Variants in CNTN3 observed in about 807,000 individuals in gnomAD.
CNTN3 encodes the protein contactin 3.
CNTN3 carries 60 observed loss-of-function variants against 119.1 expected under a neutral mutation model. The ratio of observed to expected loss-of-function variants is 0.50; its 90% CI spans 0.41 to 0.62. CNTN3 has a LOEUF of 0.62. Ranked by LOEUF, CNTN3 falls within the 20% of genes least tolerant of loss-of-function variation. The probability of loss-of-function intolerance (pLI) is 0.00; values close to 1 mark genes in which losing one functional copy is unlikely to be tolerated. For missense variants in CNTN3, 1,101 were observed against 1,242.4 expected (o/e 0.89, Z 1.71); for synonymous variants, 450 against 438.7 (o/e 1.03, Z -0.32).
intron 1 of CNTN3, among the ~76,000 whole-genome samples, chr3:74,605,276 G>T (rs1430138407): frequency 6.6e-6 from 1 of 151,898 alleles, no homozygotes; most frequent in East Asian, 1.9e-4. Flanking sequence ...ATCACTAAGA[G>T]AATAGATTTT....
At chr3:74,341,702 CTG>C (rs921701407) in intron 11 of CNTN3, among the ~76,000 whole-genome samples, 83 of 152,156 alleles carry the variant, frequency 5.5e-4, no homozygotes, top group African/African-American at 1.9e-3. Flanking sequence ...AAATTTATGA[CTG>C]TTAAAAAACT....
chr3:74,522,139 G>A (rs115106867), intron 1 of CNTN3, among the ~76,000 whole-genome samples: 2,646 of 151,802 alleles, frequency 0.017, 28 homozygotes, highest in Middle Eastern at 0.034. Context: ...TATTATGTAC[G>A]TCCCAAATAA....
chr3:74,497,079 TC>T (rs1703079206), intron 3 of CNTN3, among the ~76,000 whole-genome samples: 1 of 152,018 alleles, frequency 6.6e-6, no homozygotes, highest in Non-Finnish European at 1.5e-5. Flanking sequence ...TTAATATTCC[TC>T]CTTGGCTGTC....
chr3:74,267,491 G>A, intron 20 of CNTN3, 113 bp from the exon 21 acceptor site: 1 of 699,258 alleles, frequency 1.4e-6, no homozygotes, highest in Non-Finnish European at 2.6e-6. Flanking sequence ...GGATGCCTTT[G>A]GTAATGCTTG....
intron 4 of CNTN3, among the ~76,000 whole-genome samples, chr3:74,454,798 T>A (rs961213074): frequency 6.6e-6 from 1 of 152,152 alleles, no homozygotes; most frequent in African/African-American, 2.4e-5. Context: ...TATGAAATTC[T>A]GGGTTGAAAA....
chr3:74,460,559 A>G (rs1265527606), intron 4 of CNTN3, among the ~76,000 whole-genome samples: 1 of 151,524 alleles, frequency 6.6e-6, no homozygotes, highest in African/African-American at 2.4e-5. Flanking sequence ...TGTAATTGAT[A>G]TTGTGTTGGT....
intron 13 of CNTN3, among the ~76,000 whole-genome samples, chr3:74,327,461 T>A (rs1360606347): frequency 6.6e-6 from 1 of 152,154 alleles, no homozygotes; most frequent in Non-Finnish European, 1.5e-5. Context: ...TCAATCTGGT[T>A]TGCTAAAATT....
chr3:74,299,768 TACC>T, intron 17 of CNTN3, 97 bp downstream of exon 17: 21 of 898,706 alleles, frequency 2.3e-5, no homozygotes, highest in Non-Finnish European at 2.9e-5. Context: ...CCCCCAGCAC[TACC>T]ACCACCACCT....
intron 11 of CNTN3, among the ~76,000 whole-genome samples, chr3:74,342,114 A>G (rs1279462426): frequency 6.6e-6 from 1 of 152,150 alleles, no homozygotes; most frequent in African/African-American, 2.4e-5. Flanking sequence ...CATATATTAC[A>G]GGATAAATAA....
At chr3:74,584,323 A>G (rs540087959) in intron 1 of CNTN3, among the ~76,000 whole-genome samples, 1 of 152,228 alleles carries the variant, frequency 6.6e-6, no homozygotes, top group South Asian at 2.1e-4. Context: ...TAATCTTGTG[A>G]TATACTTTTG....
At chr3:74,385,230 AG>A (rs1704717335) in intron 5 of CNTN3, among the ~76,000 whole-genome samples, 1 of 152,230 alleles carries the variant, frequency 6.6e-6, no homozygotes, top group African/African-American at 2.4e-5. Context: ...GAACAGTCTT[AG>A]GAACAAGGAT....
intron 1 of CNTN3, among the ~76,000 whole-genome samples, chr3:74,579,175 T>TA (rs57046469): frequency 1.3e-5 from 2 of 151,564 alleles, no homozygotes; most frequent in East Asian, 1.9e-4. Context: ...TCCATAATGA[T>TA]AAAAAAAATC....
chr3:74,608,022 C>T (rs1166933199), intron 1 of CNTN3, among the ~76,000 whole-genome samples: 1 of 152,136 alleles, frequency 6.6e-6, no homozygotes, highest in Non-Finnish European at 1.5e-5. Flanking sequence ...ACAATGTCAC[C>T]ATACGGGGAA....
intron 11 of CNTN3, among the ~76,000 whole-genome samples, chr3:74,352,539 C>T (rs920761708): frequency 1.3e-5 from 2 of 152,110 alleles, no homozygotes; most frequent in African/African-American, 2.4e-5. Flanking sequence ...TAGTCTATTC[C>T]ACTGTAATTG....
chr3:74,522,086 GT>G (rs1457143112), intron 1 of CNTN3, among the ~76,000 whole-genome samples: 1 of 151,804 alleles, frequency 6.6e-6, no homozygotes, highest in African/African-American at 2.4e-5. Context: ...GTAGACAGTG[GT>G]TCCCAACAAT....
intron 19 of CNTN3, among the ~76,000 whole-genome samples, chr3:74,289,439 C>A (rs1172009926): frequency 6.6e-6 from 1 of 152,202 alleles, no homozygotes; most frequent in Non-Finnish European, 1.5e-5. Flanking sequence ...TAGCTCTTCT[C>A]ATCTTTCTGT....
intron 13 of CNTN3, among the ~76,000 whole-genome samples, chr3:74,327,569 C>T (rs915559045): frequency 2.6e-5 from 4 of 152,014 alleles, no homozygotes; most frequent in African/African-American, 9.7e-5. Context: ...GCTAGACTAA[C>T]AAAATAAGTT....
At chr3:74,500,508 C>CA (rs57458348) in intron 2 of CNTN3, among the ~76,000 whole-genome samples, 102,531 of 140,836 alleles carry the variant, frequency 0.73, 36,997 homozygotes, top group Middle Eastern at 0.81. Flanking sequence ...CAAATTCGCC[C>CA]AAAAAAAAAA....
chr3:74,489,635 T>TCC (rs60772894), intron 3 of CNTN3, among the ~76,000 whole-genome samples: 1,414 of 66,168 alleles, frequency 0.021, 22 homozygotes, highest in African/African-American at 0.071. Flanking sequence ...CCCCCACCCC[T>TCC]CCGCCTAATC....
Sources: gnomAD v4.1 joint callset for allele counts (sites outside exome capture counted in the v4.1 genomes callset) on GRCh38, gnomAD v4.1.1 for gene constraint, MANE v1.5 for transcripts, NCBI Gene and HGNC (gene_info 2026-07-23, HGNC 2026-07-21) for gene names.